Variants in METTL15 observed in about 807,000 individuals in gnomAD.
METTL15 encodes 12S rRNA N(4)-cytidine methyltransferase METTL15.
Under a neutral mutation model 38.3 loss-of-function variants are expected in METTL15, and 34 were observed. That is an observed-to-expected ratio of 0.89 (90% CI 0.68 to 1.18). The LOEUF (loss-of-function observed/expected upper bound fraction) is 1.18, where lower values mean the gene tolerates loss of function less well. METTL15 is among the 50% of genes most tolerant of loss of function. The pLI, the probability that METTL15 is intolerant of heterozygous loss-of-function variation, is 0.00. For synonymous variants in METTL15, 162 were observed against 170.9 expected (o/e 0.95, Z 0.41); for missense variants, 438 against 498.4 (o/e 0.88, Z 1.15).
chr11:28,210,629 C>G (rs1438635286), intron 3 of METTL15, among the ~76,000 whole-genome samples: 25 of 151,560 alleles, frequency 1.6e-4, no homozygotes, highest in Admixed American at 1.6e-3. Flanking sequence ...TCTTTCTGTT[C>G]TTGAGTATCA....
chr11:28,400,028 GGATTTGCC>G (rs1375114991), intron 5 of METTL15, among the ~76,000 whole-genome samples: 1 of 151,870 alleles, frequency 6.6e-6, no homozygotes, highest in African/African-American at 2.4e-5. Flanking sequence ...GCAATTAGCT[GGATTTGCC>G]TCATCTTAGA....
chr11:28,283,512 TC>T (rs1856134647), intron 4 of METTL15, among the ~76,000 whole-genome samples: 1 of 152,206 alleles, frequency 6.6e-6, no homozygotes, highest in Non-Finnish European at 1.5e-5. Flanking sequence ...AGGTCCATGT[TC>T]CATGTTCAAT....
chr11:28,272,006 A>G (rs974227436), intron 4 of METTL15, among the ~76,000 whole-genome samples: 11 of 152,342 alleles, frequency 7.2e-5, no homozygotes, highest in Admixed American at 1.3e-4. Context: ...TGCAAATCAA[A>G]ACCACAATGA....
In METTL15 at chr11:28,148,110, A is replaced by G. The variant is rs375488777; in HGVS notation, c.270+34506A>G. ...ACCAATTTCTTATTCTTTTGTTTCA[A>G]CTTTTACTTCTTGAGTCATATCTTG... On this transcript the variant is annotated intron_variant, in intron 3 of 6. Transcript: ENST00000407364. 3.3e-5 allele frequency among the ~76,000 whole-genome samples: 5 copies of G among 151,974 alleles called. No homozygotes were observed. In the South Asian group the frequency reaches 1.0e-3, roughly 31 times the overall value.
intron 5 of METTL15, among the ~76,000 whole-genome samples, chr11:28,377,069 C>T (rs1183497894): frequency 3.0e-5 from 4 of 134,212 alleles, no homozygotes; most frequent in African/African-American, 1.0e-4. Flanking sequence ...GTAACCCGAC[C>T]TTTCTCTCTG....
intron 3 of METTL15, among the ~76,000 whole-genome samples, chr11:28,349,211 A>G (rs1358939528): frequency 1.3e-5 from 2 of 152,210 alleles, no homozygotes; most frequent in South Asian, 2.1e-4. Context: ...CCAATAGTGA[A>G]AAACCTGGTT....
chr11:28,174,309 G>T lies in METTL15; in HGVS notation c.271-36753G>T, dbSNP rs1020839425. ...CTTGATTTTGAATCATAGTTAGTGA[G>T]ATTTTCCCACTACATTTTATTATAA... On this transcript the variant is annotated intron_variant, in intron 3 of 6. Transcript: ENST00000407364. 6.0e-5 allele frequency among the ~76,000 whole-genome samples: 9 copies of T among 151,200 alleles called. No individual in the cohort carries two copies. In the East Asian group the frequency reaches 1.8e-3, roughly 29 times the overall value.
chr11:28,376,680 G>T (rs377604059), intron 5 of METTL15, among the ~76,000 whole-genome samples: 2 of 151,706 alleles, frequency 1.3e-5, no homozygotes, highest in African/African-American at 2.4e-5. Context: ...ATAGTGTTAT[G>T]TGTGAATTTG....
intron 3 of METTL15, among the ~76,000 whole-genome samples, chr11:28,210,508 ATTTG>A (rs1486346344): frequency 6.6e-6 from 1 of 151,260 alleles, no homozygotes; most frequent in Non-Finnish European, 1.5e-5. Flanking sequence ...CTCAGTTCAT[ATTTG>A]TTATTTTATT....
At chr11:28,267,817 T>C (rs991762762) in intron 4 of METTL15, among the ~76,000 whole-genome samples, 4 of 152,188 alleles carry the variant, frequency 2.6e-5, no homozygotes, top group Non-Finnish European at 5.9e-5. Context: ...ACAAAGTATG[T>C]GAAAACAAGG....
At chr11:28,172,186 A>G (rs1850884795) in intron 3 of METTL15, among the ~76,000 whole-genome samples, 1 of 152,152 alleles carries the variant, frequency 6.6e-6, no homozygotes, top group Non-Finnish European at 1.5e-5. Context: ...CTTTCAAAAC[A>G]AGACAAAATA....
At chr11:28,472,807 GA>G (rs1407214380) in intron 6 of METTL15, among the ~76,000 whole-genome samples, 1 of 152,164 alleles carries the variant, frequency 6.6e-6, no homozygotes, top group Non-Finnish European at 1.5e-5. Flanking sequence ...GTGGATGAAA[GA>G]AAACAATAAA....
intron 4 of METTL15, among the ~76,000 whole-genome samples, chr11:28,361,084 AG>A (rs1445675888): frequency 6.6e-6 from 1 of 151,558 alleles, no homozygotes; most frequent in African/African-American, 2.4e-5. Flanking sequence ...GTTGGTTCCA[AG>A]TCTTTGCTGT....
chr11:28,230,499 C>T (rs1188726817), intron 4 of METTL15, among the ~76,000 whole-genome samples: 3 of 151,804 alleles, frequency 2.0e-5, no homozygotes, highest in Non-Finnish European at 1.5e-5. Context: ...TTGTTCAGTA[C>T]AAGAATGACT....
intron 6 of METTL15, among the ~76,000 whole-genome samples, chr11:28,525,458 A>C (rs1366037048): frequency 6.6e-6 from 1 of 152,154 alleles, no homozygotes; most frequent in Non-Finnish European, 1.5e-5. Context: ...TGATTGGTGC[A>C]TTTACAACCT....
chr11:28,528,040 G>T (rs1164251585), downstream of METTL15, among the ~76,000 whole-genome samples: 1 of 152,098 alleles, frequency 6.6e-6, no homozygotes. Context: ...TGTAAATCAT[G>T]ATTATTTTAC....
At chr11:28,239,544 G>T (rs1854194237) in intron 4 of METTL15, among the ~76,000 whole-genome samples, 2 of 152,144 alleles carry the variant, frequency 1.3e-5, no homozygotes, top group South Asian at 4.1e-4. Flanking sequence ...CTTCTATAGT[G>T]TATTATCAGC....
chr11:28,484,088 G>A (rs772256786), intron 6 of METTL15, among the ~76,000 whole-genome samples: 4 of 152,056 alleles, frequency 2.6e-5, no homozygotes, highest in Admixed American at 6.6e-5. Flanking sequence ...AGCAAAAATC[G>A]TATAATAACG....
rs1220449793 is a variant in METTL15, at chr11:28,372,163, T to A, written c.*358+10127T>A. ...CTTTATTATTTTGAGGTATGTTCCT[T>A]TTCTGAGATTTTTACCATAAAGAGA... On this transcript the variant is annotated intron_variant and NMD_transcript_variant, in intron 5 of 7. Coordinates refer to the METTL15 transcript ENST00000532947. Among the ~76,000 whole-genome samples the A allele has an allele frequency of 2.6e-5, 4 of 152,110 alleles. 1 individual carries two copies. The highest frequency in any genetic ancestry group is 9.6e-5 in the African/African-American group (4 of 41,452).
Sources: gnomAD v4.1 joint callset for allele counts (sites outside exome capture counted in the v4.1 genomes callset) on GRCh38, gnomAD v4.1.1 for gene constraint, MANE v1.5 for transcripts, NCBI Gene and HGNC (gene_info 2026-07-23, HGNC 2026-07-21) for gene names.